Variants in PARP6 observed in about 807,000 individuals in gnomAD.
PARP6 encodes the protein poly(ADP-ribose) polymerase family member 6.
Under a neutral mutation model 92.0 loss-of-function variants are expected in PARP6, and 27 were observed. That is an observed-to-expected ratio of 0.29 (90% confidence interval 0.22 to 0.40). PARP6 has a LOEUF of 0.40. Among genes scored for constraint, PARP6 ranks in the 10% least tolerant of loss-of-function variants. The pLI is 1.00. For missense variants in PARP6, 501 were observed against 784.5 expected, an observed-to-expected ratio of 0.64 and a Z score of 4.32; for synonymous variants, 272 against 281.2, an observed-to-expected ratio of 0.97 and a Z score of 0.33.
chr15:72,254,464 C>A lies in PARP6; in HGVS notation c.1182G>T (p.Glu394Asp). 3 of 1,612,174 alleles carry A rather than the reference C, an allele frequency of 1.9e-6. No individual in the cohort carries two copies. Among genetic ancestry groups the A allele is most frequent in the Non-Finnish European group, 2.5e-6 (3 of 1,178,158 alleles). The change falls in exon 15 of 24, where the codon GAG (glutamate) becomes GAT (aspartate). Residue 394 changes from glutamate (E) to aspartate (D), a missense_variant. Coordinates refer to ENST00000569795, the MANE Select transcript of PARP6 (RefSeq NM_001323532.2). ...KALDSVMSIREMTQGSYLEIK... is the reference protein window; with the variant it reads ...KALDSVMSIRDMTQGSYLEIK... ...AGAGAAGGCAGAATACCTGGGTCAT[C>A]TCCCGAATAGACATCACACTATCCA...
At chr15:72,244,991 G>C (rs2083438313) in intron 20 of PARP6, 1 of 152,636 alleles carries the variant, frequency 6.6e-6, no homozygotes, top group Non-Finnish European at 1.5e-5. Context: ...GAGAGAGCTT[G>C]TGCAGCAAAA....
chr15:72,256,373 C>T (rs2085131844), intron 14 of PARP6, 92 bp downstream of exon 14: 1 of 1,064,902 alleles, frequency 9.4e-7, no homozygotes, highest in Admixed American at 3.5e-5. Context: ...TCCCTTATTC[C>T]AAGCCCTGTA....
At chr15:72,263,067 T>C (rs1478629567) in intron 8 of PARP6, among the ~76,000 whole-genome samples, 4 of 152,216 alleles carry the variant, frequency 2.6e-5, no homozygotes, top group Non-Finnish European at 4.4e-5. Context: ...TCTACCTGCA[T>C]ATCTGAAAGT....
chr15:72,243,820 T>C (rs2083322155), intron 20 of PARP6: 1 of 152,218 alleles, frequency 6.6e-6, no homozygotes, highest in African/African-American at 2.4e-5. Flanking sequence ...GATGCTATCA[T>C]TATAGGTCAT....
intron 16 of PARP6, 36 bp from the exon 17 acceptor site, chr15:72,251,291 T>C (rs1352873703): frequency 7.4e-7 from 1 of 1,352,456 alleles, no homozygotes; most frequent in South Asian, 1.2e-5. Context: ...AAGGATAGAA[T>C]AATTATGTAT....
chr15:72,260,334 A>T, intron 10 of PARP6, 144 bp downstream of exon 10: 1 of 659,478 alleles, frequency 1.5e-6, no homozygotes, highest in East Asian at 2.7e-5. Flanking sequence ...GAAGTGTTCC[A>T]TTCTACTCAC....
chr15:72,249,999 G>C, intron 19 of PARP6, 21 bp downstream of exon 19: 1 of 1,524,112 alleles, frequency 6.6e-7, no homozygotes, highest in Non-Finnish European at 9.1e-7. Context: ...AGAAATAAAG[G>C]AGAAAGGGGC....
intron 9 of PARP6, among the ~76,000 whole-genome samples, chr15:72,261,345 G>T (rs1434432035): frequency 6.6e-6 from 1 of 152,206 alleles, no homozygotes; most frequent in East Asian, 1.9e-4. Flanking sequence ...CACGAGCTAG[G>T]TATTCTGTTT....
intron 7 of PARP6, 39 bp downstream of exon 7, chr15:72,265,041 AC>A: frequency 7.5e-7 from 1 of 1,339,470 alleles, no homozygotes; most frequent in South Asian, 1.2e-5. Flanking sequence ...GGATTAGACC[AC>A]ACTCAGACCA....
intron 11 of PARP6, among the ~76,000 whole-genome samples, chr15:72,258,588 A>G (rs1020015247): frequency 1.3e-5 from 2 of 152,250 alleles, no homozygotes; most frequent in African/African-American, 2.4e-5. Context: ...CATTCAATCA[A>G]TTAGATGGCA....
intron 14 of PARP6, among the ~76,000 whole-genome samples, chr15:72,254,824 T>C (rs914193439): frequency 6.6e-6 from 1 of 152,214 alleles, no homozygotes; most frequent in Admixed American, 6.5e-5. Context: ...TAAAGAACTC[T>C]GTATAGTAAT....
At chr15:72,254,942 G>T (rs1367054039) in intron 14 of PARP6, among the ~76,000 whole-genome samples, 1 of 152,166 alleles carries the variant, frequency 6.6e-6, no homozygotes, top group Non-Finnish European at 1.5e-5. Flanking sequence ...TTATTTCTGG[G>T]TGTGTTTGTG....
At chr15:72,267,446 A>G in intron 3 of PARP6, 29 bp downstream of exon 3, 1 of 1,612,462 alleles carries the variant, frequency 6.2e-7, no homozygotes, top group Non-Finnish European at 8.5e-7. Context: ...TTGAACAATC[A>G]GTTGGAGAGG....
chr15:72,265,038 A>C (rs1380916436), intron 7 of PARP6, 43 bp downstream of exon 7: 1 of 1,300,328 alleles, frequency 7.7e-7, no homozygotes, highest in Non-Finnish European at 1.1e-6. Flanking sequence ...TTTGGATTAG[A>C]CCACACTCAG....
chr15:72,259,694 C>A, intron 10 of PARP6, 33 bp from the exon 11 acceptor site: 1 of 1,605,340 alleles, frequency 6.2e-7, no homozygotes, highest in Non-Finnish European at 8.5e-7. Flanking sequence ...CCCCGTGAAC[C>A]TCCTATGAAG....
rs935226703 is a variant in PARP6, at chr15:72,265,539, T to G, written c.177-66A>C. 24 of 1,268,250 alleles carry G rather than the reference T, an allele frequency of 1.9e-5. No homozygotes were observed. The African/African-American group carries it at 3.4e-4, about 18-fold the overall frequency. The allele number at this position is 1,268,250 out of a possible 1,614,324, so 78.6% of individuals were successfully genotyped here. A position where few individuals can be genotyped will look rare whatever the true frequency, so the allele number is the denominator to read the frequency against. On this transcript the variant is annotated intron_variant, in intron 5 of 23. Coordinates refer to ENST00000569795, the MANE Select transcript of PARP6 (RefSeq NM_001323532.2). ...GAGAAAGAAGGGAATAGAAACTGAGTTGGAAAGAGAACTGAGCCTGGGGAC... is the reference window on the plus strand; with the variant it reads ...GAGAAAGAAGGGAATAGAAACTGAGGTGGAAAGAGAACTGAGCCTGGGGAC...
intron 20 of PARP6, chr15:72,243,229 G>A (rs1257010764): frequency 1.3e-5 from 2 of 153,442 alleles, no homozygotes; most frequent in Admixed American, 1.3e-4. Context: ...GGGAACCACT[G>A]CAGGGTTCTA....
At chr15:72,270,756 C>G (rs890998209) in intron 2 of PARP6, among the ~76,000 whole-genome samples, 5 of 152,214 alleles carry the variant, frequency 3.3e-5, no homozygotes, top group Non-Finnish European at 5.9e-5. Context: ...CTAGCACTCT[C>G]TATCTCCCTT....
In PARP6 at chr15:72,242,227, GAGA is replaced by G; in HGVS notation, c.1642-10_1642-8del. The G allele has an allele frequency of 6.2e-7, 1 of 1,613,642 alleles. No homozygotes were observed. The highest frequency in any genetic ancestry group is 2.2e-5 in the East Asian group (1 of 44,880). ...GTGACTGAATGGATCGGGTCTGGAA[GAGA>G]AGGAGGCAAAGGAGACCAGAGCCAG... On this transcript the variant is annotated splice_region_variant and splice_polypyrimidine_tract_variant and intron_variant, in intron 21 of 23. Transcript: ENST00000569795. This position sits in a 1 kb window ranked among gnomAD's most constrained non-coding sequence, Gnocchi z 4.3.
Sources: allele counts gnomAD v4.1 joint callset (sites outside exome capture counted in the v4.1 genomes callset), GRCh38; gene constraint gnomAD v4.1.1; non-coding constraint Gnocchi (gnomAD v3.1); transcripts MANE v1.5; gene names NCBI Gene and HGNC (gene_info 2026-07-23, HGNC 2026-07-21).